The following AFF1 variants were observed in gnomAD, a reference collection of about 807,000 sequenced individuals.
AFF1 encodes ALF transcription elongation factor 1, also known as AF4/FMR2 family member 1.
In AFF1, 48 loss-of-function variants were observed where a neutral mutation model predicts 121.7. The ratio of observed to expected loss-of-function variants is 0.39; its 90% CI spans 0.31 to 0.50. The LOEUF (loss-of-function observed/expected upper bound fraction) is 0.50, where lower values mean the gene tolerates loss of function less well. Ranked by LOEUF, AFF1 falls within the 20% of genes least tolerant of loss-of-function variation. The pLI, the probability that AFF1 is intolerant of heterozygous loss-of-function variation, is 0.76. For synonymous variants in AFF1, 613 were observed against 563.0 expected, an observed-to-expected ratio of 1.09 and a Z score of -1.26; for missense variants, 1,523 against 1,511.7, an observed-to-expected ratio of 1.01 and a Z score of -0.12.
At chr4:87,001,607 C>G (rs1055044424) in intron 2 of AFF1, among the ~76,000 whole-genome samples, 25 of 152,130 alleles carry the variant, frequency 1.6e-4, no homozygotes, top group African/African-American at 5.8e-4. Flanking sequence ...TATTAAGGAT[C>G]TAGAAATAGA....
At chr4:87,024,036 A>G (rs528694901) in intron 2 of AFF1, among the ~76,000 whole-genome samples, 1 of 152,200 alleles carries the variant, frequency 6.6e-6, no homozygotes, top group Non-Finnish European at 1.5e-5. Context: ...TTTATTGAGC[A>G]TTCTGTTATG....
intron 8 of AFF1, among the ~76,000 whole-genome samples, chr4:87,104,868 T>G (rs1449048639): frequency 6.8e-6 from 1 of 147,054 alleles, no homozygotes. Context: ...GGAAATTTTT[T>G]TTTTTTTCCT....
intron 13 of AFF1, among the ~76,000 whole-genome samples, 161 bp from the exon 14 acceptor site, chr4:87,125,938 T>C (rs1268842001): frequency 6.6e-6 from 1 of 152,216 alleles, no homozygotes; most frequent in Non-Finnish European, 1.5e-5. Context: ...GGCTAGATTT[T>C]TGAAATGCCT....
intron 2 of AFF1, among the ~76,000 whole-genome samples, chr4:86,968,770 A>C (rs1204360021): frequency 6.6e-6 from 1 of 152,156 alleles, no homozygotes; most frequent in Non-Finnish European, 1.5e-5. Flanking sequence ...GGAGGGTCTC[A>C]GGGGGACCCT....
chr4:87,000,241 C>CT (rs896223477), intron 2 of AFF1, among the ~76,000 whole-genome samples: 34 of 152,320 alleles, frequency 2.2e-4, no homozygotes, highest in African/African-American at 7.5e-4. Context: ...GCTTCATTCT[C>CT]TCCCTCCTTT....
intron 2 of AFF1, among the ~76,000 whole-genome samples, chr4:86,961,695 C>T (rs1722161484): frequency 6.6e-6 from 1 of 151,392 alleles, no homozygotes; most frequent in African/African-American, 2.4e-5. Flanking sequence ...GAGGTGGTTC[C>T]CATCCTAAAT....
chr4:87,082,695 C>G (rs1723295464), intron 4 of AFF1, among the ~76,000 whole-genome samples: 1 of 152,252 alleles, frequency 6.6e-6, no homozygotes, highest in East Asian at 1.9e-4. Context: ...TCCCAAAGTG[C>G]TGGGATTACA....
chr4:87,046,227 G>T lies in AFF1; in HGVS notation c.100G>T (p.Ala34Ser). ...IREKERRNQE[A>S]HQEKEAFPEK... Reference sequence around the variant, plus strand: ...AGAGAAGGAAAGACGCAACCAGGAAGCCCACCAAGAGAAAGAGGCATTTCC... The same window carrying T: ...AGAGAAGGAAAGACGCAACCAGGAATCCCACCAAGAGAAAGAGGCATTTCC... Residue 34 changes from alanine to serine, a missense_variant, in exon 3 of 21, where the codon GCC becomes TCC. Around this residue, in one of 5 missense-constraint regions of AFF1, gnomAD observed 369 missense variants for 367.2 expected, o/e 1.00. Coordinates refer to ENST00000395146, the MANE Select transcript of AFF1 (RefSeq NM_001166693.3). 1 of 1,613,986 alleles carries T rather than the reference G, an allele frequency of 6.2e-7. No individual in the cohort carries two copies.
intron 2 of AFF1, among the ~76,000 whole-genome samples, chr4:87,022,726 GTA>G (rs112913685): frequency 0.062 from 9,148 of 147,132 alleles, 524 homozygotes; most frequent in African/African-American, 0.14. Context: ...GTGTATATAT[GTA>G]TATATATCTG....
At chr4:86,943,767 C>T (rs1453820202) in intron 1 of AFF1, among the ~76,000 whole-genome samples, 1 of 151,900 alleles carries the variant, frequency 6.6e-6, no homozygotes, top group Admixed American at 6.6e-5. Flanking sequence ...TGAGACCAGC[C>T]TGACCAACAT....
chr4:86,996,572 G>A (rs1399717725), intron 2 of AFF1, among the ~76,000 whole-genome samples: 9 of 151,072 alleles, frequency 6.0e-5, no homozygotes, highest in African/African-American at 2.2e-4. Flanking sequence ...CAAGTACCCA[G>A]GGACACAAAC....
intron 8 of AFF1, among the ~76,000 whole-genome samples, chr4:87,095,322 T>C (rs778327472): frequency 1.3e-5 from 2 of 152,232 alleles, no homozygotes; most frequent in Non-Finnish European, 2.9e-5. Context: ...TTTCACCATA[T>C]TGGCCAGGCT....
Position 86,949,394 on chromosome 4 carries a change from C to T in AFF1, c.38+823C>T, listed in dbSNP as rs139868133. Among the ~76,000 whole-genome samples, 1,181 of 150,516 alleles carry T rather than the reference C, an allele frequency of 7.8e-3. 39 individuals carry two copies. The highest frequency in any genetic ancestry group is 0.064 in the East Asian group (327 of 5,118). On this transcript the variant is annotated intron_variant, in intron 2 of 20. Transcript: ENST00000395146. Reference sequence around the variant, plus strand: ...CCTCCCAAAGTGCTGGAATTACAGGCGTGAGCCTCTGCGCTACTCCAAAAA... The same window carrying T: ...CCTCCCAAAGTGCTGGAATTACAGGTGTGAGCCTCTGCGCTACTCCAAAAA...
At chr4:87,053,867 G>T (rs1731497595) in intron 4 of AFF1, among the ~76,000 whole-genome samples, 1 of 152,212 alleles carries the variant, frequency 6.6e-6, no homozygotes, top group African/African-American at 2.4e-5. Context: ...AGCTATAAGA[G>T]GGGATTGTGA....
rs954066896 is a variant in AFF1, at chr4:87,137,154, C to T, written c.*1453C>T. The T allele has an allele frequency of 4.4e-6, 1 of 226,926 alleles. No individual in the cohort carries two copies. Among genetic ancestry groups the T allele is most frequent in the African/African-American group, 2.2e-5 (1 of 44,960 alleles). 14.1% of individuals were successfully genotyped at this position (226,926 alleles called of 1,614,324 possible). On this transcript the variant is annotated 3_prime_UTR_variant, in exon 21 of 21. Coordinates refer to ENST00000395146, the MANE Select transcript of AFF1 (RefSeq NM_001166693.3). ...AGTGCAGTGTTTTTAAAAGCCAATT[C>T]TTTTTTATCCCTTTTAGAAGTAGAA... is the stretch of plus-strand genomic sequence containing the variant.
chr4:87,023,713 T>C (rs1728255373), intron 2 of AFF1, among the ~76,000 whole-genome samples: 1 of 152,252 alleles, frequency 6.6e-6, no homozygotes, highest in Non-Finnish European at 1.5e-5. Context: ...CCAGAATGTT[T>C]CTTAACTTGT....
chr4:86,992,196 A>T lies in AFF1; in HGVS notation c.38+43625A>T, dbSNP rs1314496703. On this transcript the variant is annotated intron_variant, in intron 2 of 20. Transcript: ENST00000395146. ...ACTCTCGAGTGCAGGGTCATATCTC[A>T]GTCCCACCACTTACCAGTTTGCATG... Among the ~76,000 whole-genome samples, 5 of 152,172 alleles carry T rather than the reference A, an allele frequency of 3.3e-5. 1 individual carries two copies. Among genetic ancestry groups the T allele is most frequent in the African/African-American group, 1.2e-4 (5 of 41,454 alleles).
chr4:86,951,599 T>TTTC (rs1388819304), intron 2 of AFF1, among the ~76,000 whole-genome samples: 1 of 141,018 alleles, frequency 7.1e-6, no homozygotes, highest in African/African-American at 2.7e-5. Flanking sequence ...GGAACTTTTT[T>TTTC]TTCTTTTTCT....
chr4:87,118,217 G>A (rs1648077443), intron 12 of AFF1, among the ~76,000 whole-genome samples: 1 of 152,180 alleles, frequency 6.6e-6, no homozygotes, highest in Admixed American at 6.5e-5. Flanking sequence ...ATCCACTTCA[G>A]ACTTAAAAGT....
Sources: gnomAD v4.1 joint callset for allele counts (sites outside exome capture counted in the v4.1 genomes callset) on GRCh38, gnomAD v4.1.1 for gene constraint, gnomAD v4.1.1 regional missense constraint, MANE v1.5 for transcripts, NCBI Gene and HGNC (gene_info 2026-07-23, HGNC 2026-07-21) for gene names.